The following MINK1 variants were observed in gnomAD, a reference collection of about 807,000 sequenced individuals.
The protein encoded by MINK1 is misshapen-like kinase 1.
MINK1 carries 46 observed loss-of-function variants against 178.4 expected under a neutral mutation model. The observed-to-expected ratio is 0.26, with a 90% CI of 0.20 to 0.33. The LOEUF (loss-of-function observed/expected upper bound fraction) is 0.33. Ranked by LOEUF, MINK1 falls within the 10% of genes least tolerant of loss-of-function variation. The pLI, the probability that MINK1 is intolerant of heterozygous loss-of-function variation, is 1.00. For missense variants in MINK1, 1,366 were observed against 1,814.9 expected, an observed-to-expected ratio of 0.75 and a Z score of 4.49; for synonymous variants, 797 against 709.7, an observed-to-expected ratio of 1.12 and a Z score of -1.96.
intron 1 of MINK1, chr17:4,857,237 C>T: frequency 1.1e-5 from 3 of 271,186 alleles, no homozygotes; most frequent in South Asian, 7.4e-5. Flanking sequence ...TCAGCTCTGG[C>T]CACATGACAG....
intron 20 of MINK1, 44 bp downstream of exon 20, chr17:4,893,111 G>C (rs1969036545): frequency 6.5e-7 from 1 of 1,544,024 alleles, no homozygotes; most frequent in African/African-American, 1.4e-5. Flanking sequence ...ATCCTGGTTT[G>C]GGGCTTAGCC....
At chr17:4,868,086 C>T (rs977959203) in intron 1 of MINK1, among the ~76,000 whole-genome samples, 1 of 151,614 alleles carries the variant, frequency 6.6e-6, no homozygotes, top group Non-Finnish European at 1.5e-5. Flanking sequence ...TAGTGATTCT[C>T]CTGCCTCAGC....
Position 4,895,274 on chromosome 17 carries a change from C to T in MINK1, c.3085+32C>T. The T allele has an allele frequency of 3.7e-6, 6 of 1,612,174 alleles. No homozygotes were observed. Among genetic ancestry groups the T allele is most frequent in the Non-Finnish European group, 5.1e-6 (6 of 1,178,522 alleles). On this transcript the variant is annotated intron_variant, in intron 25 of 31. Transcript: ENST00000355280. This position sits in a 1 kb window ranked among gnomAD's most constrained non-coding sequence, Gnocchi z 4.3. ...CAGGGCAGGGACAGCTGAGGAGGCT[C>T]TGGCGTGGCTCTTGTGCTCCTGGTT...
intron 2 of MINK1, among the ~76,000 whole-genome samples, chr17:4,880,045 C>G (rs142929928): frequency 0.073 from 11,066 of 152,158 alleles, 450 homozygotes; most frequent in Non-Finnish European, 0.094. Context: ...TCTTTCACGC[C>G]CTGCTCTAAC....
Position 4,886,362 on chromosome 17 carries a change from G to A in MINK1, c.774-89G>A, listed in dbSNP as rs943290491. The A allele has an allele frequency of 1.1e-5, 16 of 1,521,868 alleles. No individual in the cohort carries two copies. Among genetic ancestry groups the A allele is most frequent in the Admixed American group, 7.0e-5 (4 of 57,518 alleles). The allele number at this position is 1,521,868 out of a possible 1,614,324, so 94.3% of individuals were successfully genotyped here. A position where few individuals can be genotyped will look rare whatever the true frequency, so the allele number is the denominator to read the frequency against. On this transcript the variant is annotated intron_variant, in intron 9 of 31. Transcript: ENST00000355280. The surrounding 1 kb of genome is among the most constrained non-coding windows in gnomAD (Gnocchi z 6.1). ...ATATGAAGACAGGAGGGACGTCAAGGTGGCTTGTGGATGAATGATCCACCC... is the reference window on the plus strand; with the variant it reads ...ATATGAAGACAGGAGGGACGTCAAGATGGCTTGTGGATGAATGATCCACCC...
In MINK1 at chr17:4,872,727, G is replaced by A. The variant is rs374523763; in HGVS notation, c.58-5590G>A. Among the ~76,000 whole-genome samples the A allele has an allele frequency of 9.9e-5, 15 of 152,248 alleles. No individual in the cohort carries two copies. The East Asian group carries it at 2.7e-3, about 27-fold the overall frequency. On this transcript the variant is annotated intron_variant, in intron 1 of 31. Coordinates refer to ENST00000355280, the MANE Select transcript of MINK1 (RefSeq NM_153827.5). ...GCGGAGGTTGCAGTGAGCTGGGATC[G>A]TGGCACTGCACTCCAGCCTGGGTGA...
intron 1 of MINK1, among the ~76,000 whole-genome samples, chr17:4,839,564 C>G (rs1909864570): frequency 6.6e-6 from 1 of 152,188 alleles, no homozygotes; most frequent in South Asian, 2.1e-4. Flanking sequence ...ATCCTGTCCA[C>G]AGCTCACGGC....
At chr17:4,879,267 C>T (rs1259618885) in intron 2 of MINK1, among the ~76,000 whole-genome samples, 1 of 148,332 alleles carries the variant, frequency 6.7e-6, no homozygotes, top group Non-Finnish European at 1.5e-5. Flanking sequence ...GGGAGCTGCT[C>T]CAGCAGGGAG....
intron 1 of MINK1, among the ~76,000 whole-genome samples, chr17:4,842,714 A>G (rs1910441015): frequency 6.6e-6 from 1 of 152,224 alleles, no homozygotes; most frequent in South Asian, 2.1e-4. Flanking sequence ...AAACAGTTGG[A>G]CAGAGTGCCC....
Position 4,896,212 on chromosome 17 carries a change from A to G in MINK1, c.3485A>G (p.His1162Arg), listed in dbSNP as rs1597594892. The G allele has an allele frequency of 6.3e-7, 1 of 1,597,688 alleles. No individual in the cohort carries two copies. The highest frequency in any genetic ancestry group is 1.7e-5 in the Admixed American group (1 of 58,508). ...CTGCAGTCCTTTGCCGACCTCCCCCACCGCCCTCTGCTGGTCGACCTGACA... is the reference window on the plus strand; with the variant it reads ...CTGCAGTCCTTTGCCGACCTCCCCCGCCGCCCTCTGCTGGTCGACCTGACA... ...MAFKSFADLP[H>R]RPLLVDLTVE... Residue 1162 changes from histidine to arginine, a missense_variant, in exon 29 of 32, where the codon CAC becomes CGC. This residue lies in a region of MINK1 where 201 missense variants were observed against 240.7 expected (regional missense o/e 0.84). Coordinates refer to ENST00000355280, the MANE Select transcript of MINK1 (RefSeq NM_153827.5). This position sits in a 1 kb window ranked among gnomAD's most constrained non-coding sequence, Gnocchi z 4.6.
At chr17:4,890,387 G>A in intron 13 of MINK1, 130 bp from the exon 14 acceptor site, 2 of 1,454,482 alleles carry the variant, frequency 1.4e-6, no homozygotes, top group Non-Finnish European at 1.8e-6. Flanking sequence ...CACTTCAAGG[G>A]AAGGGATTCA....
chr17:4,868,838 C>T (rs951470414), intron 1 of MINK1: 2 of 343,498 alleles, frequency 5.8e-6, no homozygotes, highest in African/African-American at 2.2e-5. Flanking sequence ...CAGCCTCAAC[C>T]TCCCAGGCTC....
At chr17:4,893,964 G>T in intron 21 of MINK1, 24 bp from the exon 22 acceptor site, 1 of 1,536,928 alleles carries the variant, frequency 6.5e-7, no homozygotes. Flanking sequence ...GGACCTGGAG[G>T]GGCCCCACCT....
At chr17:4,853,846 G>A (rs1229686934) in intron 1 of MINK1, among the ~76,000 whole-genome samples, 3 of 152,058 alleles carry the variant, frequency 2.0e-5, no homozygotes, top group Non-Finnish European at 2.9e-5. Flanking sequence ...AAGAAGTGCT[G>A]GGGAGGTAAA....
At position 4,894,814 on chromosome 17, in the gene MINK1, C is replaced by G. The variant is rs1969274376; in HGVS notation, c.2917+181C>G. The G allele has an allele frequency of 3.1e-6, 2 of 637,686 alleles. No individual in the cohort carries two copies. Among genetic ancestry groups the G allele is most frequent in the Non-Finnish European group, 2.7e-6 (1 of 369,246 alleles). 39.5% of individuals were successfully genotyped at this position (637,686 alleles called of 1,614,324 possible). Reference sequence around the variant, plus strand: ...TCTGAGACCCCTCCTTCCTGTCCCACAGGACAGGAAATGCTCAGAGTTGCC... The same window carrying G: ...TCTGAGACCCCTCCTTCCTGTCCCAGAGGACAGGAAATGCTCAGAGTTGCC... On this transcript the variant is annotated intron_variant, in intron 24 of 31. Transcript: ENST00000355280. This position sits in a 1 kb window ranked among gnomAD's most constrained non-coding sequence, Gnocchi z 4.1.
At chr17:4,881,407 G>A in intron 4 of MINK1, 150 bp downstream of exon 4, 1 of 843,468 alleles carries the variant, frequency 1.2e-6, no homozygotes, top group Non-Finnish European at 1.8e-6. Context: ...ACCCAGAGGG[G>A]CCTCCTGCCT....
Position 4,872,090 on chromosome 17 carries a change from G to A in MINK1, c.58-6227G>A, listed in dbSNP as rs531856974. Among the ~76,000 whole-genome samples, 3 of 152,296 alleles carry A rather than the reference G, an allele frequency of 2.0e-5. No individual in the cohort carries two copies. In the East Asian group the frequency reaches 5.8e-4, roughly 29 times the overall value. Reference sequence around the variant, plus strand: ...TCACTCCTGTAATCCCGCACTTTGGGAGGCCGAGGTGGGCGGATCACTTGA... The same window carrying A: ...TCACTCCTGTAATCCCGCACTTTGGAAGGCCGAGGTGGGCGGATCACTTGA... On this transcript the variant is annotated intron_variant, in intron 1 of 31. Transcript: ENST00000355280.
intron 31 of MINK1, 66 bp from the exon 32 acceptor site, chr17:4,897,138 C>T: frequency 1.5e-6 from 2 of 1,356,418 alleles, no homozygotes; most frequent in Non-Finnish European, 2.1e-6. Flanking sequence ...TCCCTTCTTT[C>T]CCTCTCCCAG....
intron 1 of MINK1, among the ~76,000 whole-genome samples, chr17:4,853,488 G>A (rs1190202638): frequency 6.6e-6 from 1 of 151,216 alleles, no homozygotes; most frequent in Non-Finnish European, 1.5e-5. Context: ...GTGGGGGAGT[G>A]TGGTTGTTGC....
Sources: gnomAD v4.1 joint callset for allele counts (sites outside exome capture counted in the v4.1 genomes callset) on GRCh38, gnomAD v4.1.1 for gene constraint, gnomAD v4.1.1 regional missense constraint, Gnocchi (gnomAD v3.1) non-coding constraint, MANE v1.5 for transcripts, NCBI Gene and HGNC (gene_info 2026-07-23, HGNC 2026-07-21) for gene names.